Variants in LRMDA observed in about 807,000 individuals in gnomAD.
LRMDA encodes the protein leucine-rich melanocyte differentiation-associated protein.
In LRMDA, 18 loss-of-function variants were observed where a neutral mutation model predicts 29.8. The observed-to-expected ratio is 0.60, with a 90% CI of 0.42 to 0.90. LRMDA has a LOEUF of 0.90. LRMDA is among the 40% of genes least tolerant of loss of function. The pLI is 0.00. For missense variants in LRMDA, 273 were observed against 273.9 expected (o/e 1.00, Z 0.02); for synonymous variants, 125 against 109.4 (o/e 1.14, Z -0.89).
At chr10:75,875,681 C>G (rs1000650915) in intron 2 of LRMDA, among the ~76,000 whole-genome samples, 6 of 152,226 alleles carry the variant, frequency 3.9e-5, no homozygotes, top group Non-Finnish European at 5.9e-5. Flanking sequence ...ATCCACCTGC[C>G]TCAGCCTTCC....
intron 2 of LRMDA, among the ~76,000 whole-genome samples, chr10:75,951,624 G>C (rs1589264556): frequency 1.3e-5 from 2 of 152,178 alleles, no homozygotes; most frequent in African/African-American, 4.8e-5. Flanking sequence ...TCTTCACTCT[G>C]AGGAATCACT....
chr10:76,080,770 G>A (rs1849036540), intron 5 of LRMDA, among the ~76,000 whole-genome samples: 1 of 152,226 alleles, frequency 6.6e-6, no homozygotes, highest in South Asian at 2.1e-4. Context: ...AGGCTGATGT[G>A]TAGATGAGTG....
At chr10:76,054,754 C>T (rs1226427367) in intron 4 of LRMDA, among the ~76,000 whole-genome samples, 1 of 151,070 alleles carries the variant, frequency 6.6e-6, no homozygotes, top group African/African-American at 2.4e-5. Flanking sequence ...GAAGTTTTCT[C>T]TGACATTGAC....
At chr10:76,461,561 T>C (rs1218778800) in intron 6 of LRMDA, among the ~76,000 whole-genome samples, 1 of 152,140 alleles carries the variant, frequency 6.6e-6, no homozygotes, top group South Asian at 2.1e-4. Flanking sequence ...TCTAGAACCA[T>C]AAATTTGTTT....
intron 2 of LRMDA, among the ~76,000 whole-genome samples, chr10:75,779,229 A>T (rs1476293140): frequency 2.6e-5 from 4 of 152,184 alleles, no homozygotes; most frequent in Non-Finnish European, 1.5e-5. Flanking sequence ...TCAGTTTTGG[A>T]TGAATTAAGC....
intron 2 of LRMDA, among the ~76,000 whole-genome samples, chr10:75,849,355 A>C (rs1403412185): frequency 6.7e-6 from 1 of 149,114 alleles, no homozygotes; most frequent in East Asian, 2.0e-4. Flanking sequence ...GAATCCACCC[A>C]AGTGTCCATC....
chr10:76,318,950 C>A (rs1564722508), intron 5 of LRMDA: 1 of 152,338 alleles, frequency 6.6e-6, no homozygotes, highest in African/African-American at 2.4e-5. Flanking sequence ...GGCTCTGTCG[C>A]CCAGGCTGGA....
intron 2 of LRMDA, among the ~76,000 whole-genome samples, chr10:75,822,357 A>G (rs79103009): frequency 0.022 from 3,318 of 152,320 alleles, 107 homozygotes; most frequent in African/African-American, 0.07. Context: ...CCTGGAATGG[A>G]AGAATCAATA....
chr10:76,049,577 A>G (rs1404635069), intron 4 of LRMDA, among the ~76,000 whole-genome samples: 11 of 152,060 alleles, frequency 7.2e-5, no homozygotes. Context: ...TTGTATATGG[A>G]AAAGATAGAT....
At chr10:76,291,927 C>CA (rs1840346324) in intron 5 of LRMDA, among the ~76,000 whole-genome samples, 1 of 111,208 alleles carries the variant, frequency 9.0e-6, no homozygotes, top group African/African-American at 4.8e-5. Context: ...CACACACACA[C>CA]ACGTGCACAC....
At chr10:76,206,882 G>C (rs919816633) in intron 5 of LRMDA, among the ~76,000 whole-genome samples, 13 of 152,194 alleles carry the variant, frequency 8.5e-5, no homozygotes, top group Non-Finnish European at 1.8e-4. Flanking sequence ...TAAAGAGTCA[G>C]TGCCCATTTG....
At chr10:75,764,463 A>T (rs932542153) in intron 2 of LRMDA, among the ~76,000 whole-genome samples, 2 of 152,124 alleles carry the variant, frequency 1.3e-5, no homozygotes, top group Non-Finnish European at 2.9e-5. Context: ...GTAATTTTCC[A>T]TATTTCTTTA....
chr10:75,444,513 C>T (rs1564772705), intron 2 of LRMDA, among the ~76,000 whole-genome samples: 1 of 152,126 alleles, frequency 6.6e-6, no homozygotes, highest in Non-Finnish European at 1.5e-5. Flanking sequence ...ATTGAGTTCT[C>T]TGGACTCAAT....
At chr10:76,291,833 C>T (rs1840344790) in intron 5 of LRMDA, among the ~76,000 whole-genome samples, 1 of 151,806 alleles carries the variant, frequency 6.6e-6, no homozygotes, top group East Asian at 1.9e-4. Context: ...ATCAAGTTAC[C>T]TCTTTATTGA....
intron 2 of LRMDA, among the ~76,000 whole-genome samples, chr10:75,772,384 A>G (rs1843252145): frequency 6.6e-6 from 1 of 152,136 alleles, no homozygotes; most frequent in African/African-American, 2.4e-5. Context: ...TTTGGGTGTA[A>G]TTTGAGCATT....
chr10:76,202,466 T>G (rs941816523), intron 5 of LRMDA, among the ~76,000 whole-genome samples: 4 of 152,166 alleles, frequency 2.6e-5, no homozygotes, highest in African/African-American at 9.7e-5. Flanking sequence ...TAACTTCTCC[T>G]TGTCAGGTTT....
chr10:76,062,656 C>CTGTGTGTGTGTG (rs376071517), intron 5 of LRMDA, among the ~76,000 whole-genome samples: 30 of 139,282 alleles, frequency 2.2e-4, no homozygotes, highest in African/African-American at 7.2e-4. Context: ...CTTTATCTCT[C>CTGTGTGTGTGTG]TGTGTGTGTG....
chr10:75,532,959 CG>C (rs1845495745), intron 2 of LRMDA, among the ~76,000 whole-genome samples: 1 of 152,096 alleles, frequency 6.6e-6, no homozygotes, highest in African/African-American at 2.4e-5. Flanking sequence ...CTCACTCTCT[CG>C]TGGGAGTGAC....
At chr10:75,802,105 T>TCAGAAGTTC (rs1843753252) in intron 2 of LRMDA, among the ~76,000 whole-genome samples, 1 of 151,972 alleles carries the variant, frequency 6.6e-6, no homozygotes, top group African/African-American at 2.4e-5. Flanking sequence ...CTTCTTGAGC[T>TCAGAAGTTC]CAGAAGTTCA....
Sources: allele counts gnomAD v4.1 joint callset (sites outside exome capture counted in the v4.1 genomes callset), GRCh38; gene constraint gnomAD v4.1.1; transcripts MANE v1.5; gene names NCBI Gene and HGNC (gene_info 2026-07-23, HGNC 2026-07-21).